The following ATP13A5 variants were observed in gnomAD, a reference collection of about 807,000 sequenced individuals.
ATP13A5 encodes probable cation-transporting ATPase 13A5.
A neutral mutation model predicts 150.2 loss-of-function variants in ATP13A5; 149 were observed. The ratio of observed to expected loss-of-function variants is 0.99; its 90% CI spans 0.87 to 1.14. The LOEUF (loss-of-function observed/expected upper bound fraction) is 1.14. Among genes scored for constraint, ATP13A5 ranks in the 50% most tolerant of loss-of-function variants. ATP13A5 has a pLI of 0.00. For synonymous variants in ATP13A5, 497 were observed against 522.2 expected, an observed-to-expected ratio of 0.95 and a Z score of 0.66; for missense variants, 1,383 against 1,449.3, an observed-to-expected ratio of 0.95 and a Z score of 0.74.
intron 11 of ATP13A5, among the ~76,000 whole-genome samples, chr3:193,332,505 C>G (rs1711672435): frequency 6.6e-6 from 1 of 152,194 alleles, no homozygotes. Flanking sequence ...ATTCTACCCT[C>G]TAGAACCTCA....
rs1718296864 is a variant in ATP13A5 at position 193,299,180 on chromosome 3, G to A, written c.2799C>T (p.Tyr933=). 5 of 1,610,198 alleles carry A rather than the reference G, an allele frequency of 3.1e-6. No homozygotes were observed. The Admixed American group carries it at 6.8e-5, about 22-fold the overall frequency. The change falls in exon 25 of 30, where the codon TAC becomes TAT. Residue 933 remains tyrosine (Y), a synonymous_variant. Coordinates refer to ENST00000342358, the MANE Select transcript of ATP13A5 (RefSeq NM_198505.4). ...LYWQLQLFGN[Y]QYLMQDVAIT... ...TGGCTACATCTTGCATGAGATACTG[G>A]TAATTTCCAAAGAGTTGTAGTTGCT...
At chr3:193,324,541 T>C (rs942609184) in intron 14 of ATP13A5, among the ~76,000 whole-genome samples, 4 of 152,140 alleles carry the variant, frequency 2.6e-5, no homozygotes, top group Non-Finnish European at 5.9e-5. Flanking sequence ...GTCAGATAGG[T>C]TCGGTAAATG....
chr3:193,326,461 G>T (rs2108867868), intron 13 of ATP13A5, among the ~76,000 whole-genome samples: 1 of 152,256 alleles, frequency 6.6e-6, no homozygotes, highest in East Asian at 1.9e-4. Context: ...GGCTTTCTTT[G>T]ATTCACTAAA....
chr3:193,275,126 G>C lies in ATP13A5; in HGVS notation c.3573C>G (p.Gly1191=). 6.2e-7 allele frequency: 1 copy of C among 1,614,160 alleles called. No individual in the cohort carries two copies. The highest frequency in any genetic ancestry group is 2.2e-5 in the East Asian group (1 of 44,882). ...DGKNGFYING[G]YESHEQIPKR... is the part of the protein sequence containing the mutation. ...TTGGAATCTGTTCATGGCTTTCATA[G>C]CCTCCGTTGATGTAGAATCCATTTT... Residue 1191 remains glycine (G), a synonymous_variant, in exon 30 of 30, where the codon GGC becomes GGG. Coordinates refer to ENST00000342358, the MANE Select transcript of ATP13A5 (RefSeq NM_198505.4).
chr3:193,349,472 A>C (rs1220130650), intron 7 of ATP13A5, among the ~76,000 whole-genome samples: 1 of 141,158 alleles, frequency 7.1e-6, no homozygotes, highest in Non-Finnish European at 1.5e-5. Flanking sequence ...GCAAAACAAT[A>C]AACCATAAAG....
intron 26 of ATP13A5, among the ~76,000 whole-genome samples, chr3:193,287,465 T>A (rs1396472966): frequency 6.6e-6 from 1 of 152,164 alleles, no homozygotes; most frequent in Admixed American, 6.6e-5. Context: ...CTAGGGCCTT[T>A]AAGGATTATG....
At position 193,354,183 on chromosome 3, in the gene ATP13A5, C is replaced by A. The variant is rs748559808; in HGVS notation, c.550G>T (p.Gly184Trp). 3.1e-6 allele frequency: 5 copies of A among 1,612,380 alleles called. No individual in the cohort carries two copies. In the South Asian group the frequency reaches 5.5e-5, roughly 18 times the overall value. Reference sequence around the variant, plus strand: ...ATTTCAACCTCAATGGCGTTGGGCCCACACACTAATCTTCTGCGGGAAATT... The same window carrying A: ...ATTTCAACCTCAATGGCGTTGGGCCAACACACTAATCTTCTGCGGGAAATT... ...EEQEVRRLVC[G>W]PNAIEVEIQP... Residue 184 changes from glycine to tryptophan, a missense_variant, in exon 6 of 30, where the codon GGG becomes TGG. By Grantham distance (184) the Gly-to-Trp change is radical (BLOSUM62 -2). Around this residue, in one of 3 missense-constraint regions of ATP13A5, gnomAD observed 787 missense variants for 771.9 expected, o/e 1.02. Transcript: ENST00000342358.
At chr3:193,362,757 CTTTCTTTCT>C (rs1713070913) in intron 3 of ATP13A5, 120 bp from the exon 4 acceptor site, 5 of 95,948 alleles carry the variant, frequency 5.2e-5, no homozygotes, top group Admixed American at 1.7e-4. Flanking sequence ...TTCCTTCTTT[CTTTCTTTCT>C]TTCTTTCTTT....
intron 9 of ATP13A5, among the ~76,000 whole-genome samples, chr3:193,335,762 T>C (rs1711832839): frequency 6.6e-6 from 1 of 152,184 alleles, no homozygotes; most frequent in African/African-American, 2.4e-5. Flanking sequence ...TGCTAGATTG[T>C]CAAAGCCTAC....
intron 1 of ATP13A5, among the ~76,000 whole-genome samples, chr3:193,365,134 T>C (rs568261715): frequency 6.6e-6 from 1 of 152,280 alleles, no homozygotes; most frequent in East Asian, 1.9e-4. Context: ...GAATAATATC[T>C]CTACTATACT....
intron 5 of ATP13A5, among the ~76,000 whole-genome samples, chr3:193,355,489 T>C (rs1360786659): frequency 1.3e-5 from 2 of 152,164 alleles, no homozygotes; most frequent in Non-Finnish European, 2.9e-5. Flanking sequence ...AGAATCTGCA[T>C]GAGAGATCTT....
intron 12 of ATP13A5, among the ~76,000 whole-genome samples, chr3:193,327,665 G>A (rs1247996135): frequency 3.3e-5 from 5 of 152,150 alleles, no homozygotes; most frequent in South Asian, 4.1e-4. Context: ...GATTTGATTC[G>A]CCATACTATG....
chr3:193,324,783 T>G, intron 14 of ATP13A5, 81 bp downstream of exon 14: 1 of 1,495,966 alleles, frequency 6.7e-7, no homozygotes. Flanking sequence ...TCTCTGTGTT[T>G]TAACAAAAAT....
rs914895221 is a variant in ATP13A5, at chr3:193,314,362, T to G, written c.2159-169A>C. On this transcript the variant is annotated intron_variant, in intron 18 of 29. Coordinates refer to ENST00000342358, the MANE Select transcript of ATP13A5 (RefSeq NM_198505.4). ...GACTGCCCCTACTGGGCAAACACTA[T>G]GTTCCCATCTCCCTCTCCATATTCT... is the stretch of plus-strand genomic sequence containing the variant. 20 of 629,282 alleles carry G rather than the reference T, an allele frequency of 3.2e-5. No individual in the cohort carries two copies. The Admixed American group carries it at 6.0e-4, about 19-fold the overall frequency. 39.0% of individuals were successfully genotyped at this position (629,282 alleles called of 1,614,324 possible). A position where few individuals can be genotyped will look rare whatever the true frequency, so the allele number is the denominator to read the frequency against.
chr3:193,306,260 G>A (rs1444242785), intron 22 of ATP13A5, among the ~76,000 whole-genome samples: 1 of 150,636 alleles, frequency 6.6e-6, no homozygotes, highest in Non-Finnish European at 1.5e-5. Flanking sequence ...TCTCTATTAT[G>A]TACTTTAGGA....
chr3:193,348,621 CAGT>C (rs1197570350), intron 7 of ATP13A5, among the ~76,000 whole-genome samples: 1 of 152,142 alleles, frequency 6.6e-6, no homozygotes, highest in African/African-American at 2.4e-5. Flanking sequence ...TTTGGGGCCC[CAGT>C]AGATGCAGAA....
At chr3:193,371,130 C>G (rs1325324622) in intron 1 of ATP13A5, among the ~76,000 whole-genome samples, 2 of 152,146 alleles carry the variant, frequency 1.3e-5, no homozygotes, top group Non-Finnish European at 2.9e-5. Flanking sequence ...GTAGCAAGAA[C>G]AATTTCTGAA....
At chr3:193,376,557 C>G (rs1713651512) in intron 1 of ATP13A5, among the ~76,000 whole-genome samples, 1 of 151,992 alleles carries the variant, frequency 6.6e-6, no homozygotes, top group Non-Finnish European at 1.5e-5. Context: ...ATTTTAAGTT[C>G]AGGGGTACAT....
intron 12 of ATP13A5, among the ~76,000 whole-genome samples, chr3:193,329,409 G>A (rs1414198284): frequency 6.6e-6 from 1 of 152,134 alleles, no homozygotes; most frequent in Non-Finnish European, 1.5e-5. Flanking sequence ...CCTGGCAGGT[G>A]AGGACATGAG....
Sources: gnomAD v4.1 joint callset for allele counts (sites outside exome capture counted in the v4.1 genomes callset) on GRCh38, gnomAD v4.1.1 for gene constraint, gnomAD v4.1.1 regional missense constraint, MANE v1.5 for transcripts, NCBI Gene and HGNC (gene_info 2026-07-23, HGNC 2026-07-21) for gene names.